Variants in SNTG1 observed in about 807,000 individuals in gnomAD.
SNTG1 encodes gamma-1-syntrophin.
Under a neutral mutation model 74.7 loss-of-function variants are expected in SNTG1, and 39 were observed. The observed-to-expected ratio is 0.52, with a 90% CI of 0.40 to 0.68. The LOEUF is 0.68. Ranked by LOEUF, SNTG1 falls within the 30% of genes least tolerant of loss-of-function variation. SNTG1 has a pLI of 0.00. For missense variants in SNTG1, 685 were observed against 609.5 expected, an observed-to-expected ratio of 1.12 and a Z score of -1.30; for synonymous variants, 254 against 217.1, an observed-to-expected ratio of 1.17 and a Z score of -1.49.
chr8:50,103,499 T>C (rs911069365), intron 1 of SNTG1, among the ~76,000 whole-genome samples: 7 of 152,222 alleles, frequency 4.6e-5, no homozygotes, highest in African/African-American at 1.7e-4. Context: ...AATCATGTCA[T>C]CTGCAAACAG....
intron 1 of SNTG1, among the ~76,000 whole-genome samples, chr8:49,981,191 C>T (rs1217521017): frequency 3.3e-5 from 5 of 152,056 alleles, no homozygotes; most frequent in African/African-American, 1.2e-4. Flanking sequence ...AGAACAGAAG[C>T]AAACAATAGT....
Position 50,792,713 on chromosome 8 carries a change from C to T in SNTG1, c.1438C>T (p.His480Tyr), listed in dbSNP as rs2095694630. The T allele has an allele frequency of 6.2e-7, 1 of 1,612,164 alleles. No homozygotes were observed. The highest frequency in any genetic ancestry group is 1.3e-5 in the African/African-American group (1 of 74,788). ...TTTATTTGCTGTTCTTCACTGCATT[C>T]ATTCCTTCTTTGCTGCCAAGGTAGC... ...SNLFAVLHCI[H>Y]SFFAAKVACL... Residue 480 changes from histidine (H) to tyrosine (Y), a missense_variant, in exon 19 of 19, where the codon CAT becomes TAT. Physicochemically the swap from His to Tyr is moderately conservative, Grantham distance 83. Coordinates refer to ENST00000642720, the MANE Select transcript of SNTG1 (RefSeq NM_018967.5).
chr8:50,456,309 T>C (rs1044687138), intron 8 of SNTG1, among the ~76,000 whole-genome samples: 1 of 152,124 alleles, frequency 6.6e-6, no homozygotes, highest in East Asian at 1.9e-4. Flanking sequence ...AAAGACCCAA[T>C]TTTGCAAAGC....
chr8:50,181,561 A>G (rs1315447792), intron 2 of SNTG1, among the ~76,000 whole-genome samples: 1 of 152,192 alleles, frequency 6.6e-6, no homozygotes, highest in Non-Finnish European at 1.5e-5. Flanking sequence ...ACTGGTACTT[A>G]CAATATTTAT....
At chr8:50,628,710 C>G (rs78787999) in intron 13 of SNTG1, among the ~76,000 whole-genome samples, 3 of 152,014 alleles carry the variant, frequency 2.0e-5, no homozygotes, top group Non-Finnish European at 2.9e-5. Flanking sequence ...TTGCTTTACT[C>G]TCTTACTTGT....
intron 1 of SNTG1, among the ~76,000 whole-genome samples, chr8:50,152,971 G>C (rs2082121413): frequency 1.3e-5 from 2 of 152,190 alleles, no homozygotes; most frequent in Non-Finnish European, 2.9e-5. Flanking sequence ...GGTTGGGGAA[G>C]TTCTCCTGGA....
chr8:50,638,776 T>C (rs907121092), intron 13 of SNTG1, among the ~76,000 whole-genome samples: 2 of 152,092 alleles, frequency 1.3e-5, no homozygotes, highest in Non-Finnish European at 2.9e-5. Flanking sequence ...GTCACTATTT[T>C]ACCTCACTGA....
intron 13 of SNTG1, among the ~76,000 whole-genome samples, chr8:50,623,478 G>T (rs1011081863): frequency 1.3e-5 from 2 of 151,974 alleles, no homozygotes; most frequent in South Asian, 2.1e-4. Context: ...GTATCTTGTA[G>T]CAATGAAGTT....
chr8:50,287,496 ACAAGCACAAAGGTGCCCTGGGGT>A (rs149466379), intron 2 of SNTG1, among the ~76,000 whole-genome samples: 7,620 of 152,228 alleles, frequency 0.05, 264 homozygotes, highest in Non-Finnish European at 0.079. Context: ...AGGTTTCCCA[ACAAGCACAAAGGTGCCCTGGGGT>A]CAAGCAGCAG....
chr8:50,694,736 T>G (rs2095397283), intron 15 of SNTG1, among the ~76,000 whole-genome samples: 1 of 152,050 alleles, frequency 6.6e-6, no homozygotes, highest in African/African-American at 2.4e-5. Flanking sequence ...TTTACCATGA[T>G]CAAGTGGGAT....
chr8:50,715,264 T>C, intron 17 of SNTG1, among the ~76,000 whole-genome samples: 1 of 152,320 alleles, frequency 6.6e-6, no homozygotes. Flanking sequence ...TAGAACATCA[T>C]AAATTTGACT....
chr8:50,093,061 G>A (rs544663297), intron 1 of SNTG1, among the ~76,000 whole-genome samples: 73 of 152,088 alleles, frequency 4.8e-4, no homozygotes, highest in African/African-American at 1.7e-3. Flanking sequence ...GCCATGAGAA[G>A]CATTGATTCT....
In SNTG1 at chr8:49,911,745, G is replaced by T. The variant is rs904904700; in HGVS notation, c.-589G>T. 2 of 152,202 alleles carry T rather than the reference G, an allele frequency of 1.3e-5. No homozygotes were observed. Among genetic ancestry groups the T allele is most frequent in the African/African-American group, 4.8e-5 (2 of 41,432 alleles). 9.4% of individuals were successfully genotyped at this position (152,202 alleles called of 1,614,324 possible). A position where few individuals can be genotyped will look rare whatever the true frequency, so the allele number is the denominator to read the frequency against. On this transcript the variant is annotated 5_prime_UTR_variant, in exon 1 of 19. The change creates a new upstream start codon in the 5' untranslated region. Transcript: ENST00000642720. ...GTCTCCGGACTGAGCTGCAGCCACA[G>T]GGACGGAACTACGCTGCCGCCGCCG...
chr8:50,501,162 T>C (rs1348443399), intron 8 of SNTG1, among the ~76,000 whole-genome samples: 1 of 152,042 alleles, frequency 6.6e-6, no homozygotes, highest in African/African-American at 2.4e-5. Flanking sequence ...GCGGCTCCTT[T>C]ACAATCCAGA....
At chr8:49,943,898 G>A (rs1053846462) in intron 1 of SNTG1, among the ~76,000 whole-genome samples, 1 of 152,180 alleles carries the variant, frequency 6.6e-6, no homozygotes, top group South Asian at 2.1e-4. Flanking sequence ...CCATTAATTT[G>A]AGTAATGCAT....
At chr8:50,613,223 C>T (rs774284638) in intron 13 of SNTG1, among the ~76,000 whole-genome samples, 1 of 152,052 alleles carries the variant, frequency 6.6e-6, no homozygotes, top group Admixed American at 6.5e-5. Context: ...GGGTGAAGTT[C>T]GTTTTAAGCC....
chr8:50,296,163 C>T (rs1002461992), intron 2 of SNTG1, among the ~76,000 whole-genome samples: 3 of 152,104 alleles, frequency 2.0e-5, no homozygotes, highest in Non-Finnish European at 4.4e-5. Flanking sequence ...GACTGTGTTG[C>T]AGGCTACAAT....
At chr8:50,492,273 A>G (rs905973022) in intron 8 of SNTG1, among the ~76,000 whole-genome samples, 3 of 152,160 alleles carry the variant, frequency 2.0e-5, no homozygotes, top group Admixed American at 6.5e-5. Context: ...GGTGGGTTAA[A>G]TGGTATTTCT....
At chr8:50,253,077 TG>T (rs1241205955) in intron 2 of SNTG1, among the ~76,000 whole-genome samples, 4 of 152,016 alleles carry the variant, frequency 2.6e-5, no homozygotes, top group Non-Finnish European at 5.9e-5. Context: ...ACACCGTTGG[TG>T]GGACTGTAAA....
Sources: allele counts gnomAD v4.1 joint callset (sites outside exome capture counted in the v4.1 genomes callset), GRCh38; gene constraint gnomAD v4.1.1; transcripts MANE v1.5; gene names NCBI Gene and HGNC (gene_info 2026-07-23, HGNC 2026-07-21).